GPRC6A: variants seen among roughly 807,000 people sequenced by gnomAD.
The protein encoded by GPRC6A is G protein-coupled receptor class C group 6 member A, also known as G protein-coupled receptor family C group 6 member A.
A neutral mutation model predicts 47.0 loss-of-function variants in GPRC6A; 54 were observed. That is an observed-to-expected ratio of 1.15 (90% confidence interval 0.92 to 1.44). The LOEUF is 1.44. Ranked by LOEUF, GPRC6A falls within the 40% of genes most tolerant of loss-of-function variation. The pLI, the probability that GPRC6A is intolerant of heterozygous loss-of-function variation, is 0.00. For missense variants in GPRC6A, 1,112 were observed against 1,105.5 expected (o/e 1.01, Z -0.08); for synonymous variants, 347 against 377.1 (o/e 0.92, Z 0.93).
intron 1 of GPRC6A, among the ~76,000 whole-genome samples, chr6:116,821,384 A>C (rs1275018862): frequency 4.6e-5 from 7 of 152,126 alleles, no homozygotes; most frequent in Admixed American, 3.9e-4. Flanking sequence ...GGAACCAAAA[A>C]AGAGCCCGCA....
Position 116,792,283 on chromosome 6 carries a change from C to T in GPRC6A, c.2640G>A (p.Met880Ile), listed in dbSNP as rs1351221705. 1.2e-6 allele frequency: 2 copies of T among 1,613,992 alleles called. No homozygotes were observed. Among genetic ancestry groups the T allele is most frequent in the Non-Finnish European group, 1.7e-6 (2 of 1,179,946 alleles). ...SLDSMSGNVT[M>I]TNPSSSGKSA... ...ACTTGCCACTAGAGCTGGGATTGGT[C>T]ATTGTGACATTGCCGCTCATGGAGT... The change falls in exon 6 of 6, where the codon ATG becomes ATA. Residue 880 changes from methionine (M) to isoleucine (I), a missense_variant. Met to Ile is a conservative substitution (Grantham distance 10, BLOSUM62 1). Coordinates refer to ENST00000310357, the MANE Select transcript of GPRC6A (RefSeq NM_148963.4).
At chr6:116,827,993 A>G (rs529008716) in intron 1 of GPRC6A, among the ~76,000 whole-genome samples, 1 of 152,258 alleles carries the variant, frequency 6.6e-6, no homozygotes, top group Non-Finnish European at 1.5e-5. Flanking sequence ...AGTTGGAAGG[A>G]AGCATGAAGA....
chr6:116,796,395 T>C lies in GPRC6A; in HGVS notation c.1549-560A>G, dbSNP rs367909311. On this transcript the variant is annotated intron_variant, in intron 4 of 5. Coordinates refer to ENST00000310357, the MANE Select transcript of GPRC6A (RefSeq NM_148963.4). ...GCCTAAATATATACTATTTAAATAA[T>C]CTTGAGAATTCAAGTTATAATTTGC... Among the ~76,000 whole-genome samples the C allele has an allele frequency of 2.0e-5, 3 of 152,180 alleles. No individual in the cohort carries two copies. The East Asian group carries it at 5.8e-4, about 29-fold the overall frequency.
chr6:116,792,776 AC>A lies in GPRC6A; in HGVS notation c.2146del (p.Val716LeufsTer8), dbSNP rs549269146. On this transcript the variant is annotated frameshift_variant, in exon 6 of 6. Coordinates refer to ENST00000310357, the MANE Select transcript of GPRC6A (RefSeq NM_148963.4). LOFTEE classifies it low-confidence loss of function (END_TRUNC). ...GATTAGCCAGAGTGTGCAAATGACA[AC>A]CTGGATGCCCGTGCAAGTGAAGATA... ...LIIFTCTGIQ[V>X]VICTLWLIFA... 108 of 1,613,844 alleles carry A rather than the reference AC, an allele frequency of 6.7e-5. No individual in the cohort carries two copies. The highest frequency in any genetic ancestry group is 8.5e-5 in the Non-Finnish European group (100 of 1,179,952).
chr6:116,823,743 G>A (rs934966726), intron 1 of GPRC6A, among the ~76,000 whole-genome samples: 2 of 152,092 alleles, frequency 1.3e-5, no homozygotes, highest in South Asian at 4.1e-4. Context: ...TCTCTTGGCT[G>A]TACAGGAAGC....
At chr6:116,823,598 A>G (rs1773579731) in intron 1 of GPRC6A, among the ~76,000 whole-genome samples, 1 of 152,074 alleles carries the variant, frequency 6.6e-6, no homozygotes. Context: ...AGCTGCTTCC[A>G]CATTTTCAGA....
At position 116,792,234 on chromosome 6, in the gene GPRC6A, C is replaced by T. The variant is rs757967044; in HGVS notation, c.2689G>A (p.Asp897Asn). 5 of 1,614,000 alleles carry T rather than the reference C, an allele frequency of 3.1e-6. No homozygotes were observed. The highest frequency in any genetic ancestry group is 3.4e-6 in the Non-Finnish European group (4 of 1,179,952). ...GKSATWQKSKDLQAQAFAHIC... is the reference protein window; with the variant it reads ...GKSATWQKSKNLQAQAFAHIC... The stretch of plus-strand genomic sequence containing the variant: ...TGTGCAAATGCTTGTGCCTGAAGAT[C>T]TTTGCTTTTCTGCCAGGTTGCAGAC... Residue 897 changes from aspartate (D) to asparagine (N), a missense_variant, in exon 6 of 6, where the codon GAT (aspartate) becomes AAT (asparagine). Asp to Asn is a conservative substitution (Grantham distance 23). Transcript: ENST00000310357.
rs139462932 is a variant in GPRC6A at position 116,806,925 on chromosome 6, C to T, written c.780G>A (p.Arg260=). 6.2e-7 allele frequency: 1 copy of T among 1,613,632 alleles called. No individual in the cohort carries two copies. The highest frequency in any genetic ancestry group is 2.2e-5 in the East Asian group (1 of 44,864). The change falls in exon 3 of 6, where the codon CGG becomes CGA. Residue 260 remains arginine, a synonymous_variant. Transcript: ENST00000310357. The part of the protein sequence containing the change: ...SDNTIEVRIN[R]TLKKIILEAQ... Reference sequence around the variant, plus strand: ...CTTCTAAAATGATTTTCTTCAGTGTCCGATTGATTCTGACTTCAATGGTAT... The same window carrying T: ...CTTCTAAAATGATTTTCTTCAGTGTTCGATTGATTCTGACTTCAATGGTAT...
intron 1 of GPRC6A, among the ~76,000 whole-genome samples, chr6:116,819,991 A>T (rs953836402): frequency 2.7e-5 from 4 of 150,652 alleles, no homozygotes; most frequent in African/African-American, 7.4e-5. Flanking sequence ...AAGAGAGAAG[A>T]ATCAAATAGA....
chr6:116,800,795 A>T lies in GPRC6A; in HGVS notation c.1337T>A (p.Leu446Ter). Reference protein sequence around the residue: ...QNPNAFQPWELLGVLKNVTFT... With the variant: ...QNPNAFQPWE ...TGTCACATTTTTTAGCACACCAAGT[A>T]ACTATAAAAAATAAAAACAGAGATA... The change falls in exon 4 of 6, where the codon TTA (leucine) becomes TAA (stop). Residue 446 changes from leucine (L) to a stop codon, truncating the protein, a stop_gained and splice_region_variant. Transcript: ENST00000310357. LOFTEE classifies it high-confidence loss of function. The T allele has an allele frequency of 1.3e-6, 2 of 1,587,724 alleles. No homozygotes were observed. Among genetic ancestry groups the T allele is most frequent in the Non-Finnish European group, 1.7e-6 (2 of 1,159,186 alleles).
In GPRC6A at chr6:116,792,154, C is replaced by T. The variant is rs746497391; in HGVS notation, c.2769G>A (p.Met923Ile). 1.7e-5 allele frequency: 28 copies of T among 1,612,216 alleles called. No individual in the cohort carries two copies. The highest frequency in any genetic ancestry group is 2.2e-5 in the Non-Finnish European group (26 of 1,178,936). The change falls in exon 6 of 6, where the codon ATG (methionine) becomes ATA (isoleucine). Residue 923 changes from methionine to isoleucine, a missense_variant. Coordinates refer to ENST00000310357, the MANE Select transcript of GPRC6A (RefSeq NM_148963.4). ...TCCTAAGGCTTATTCATATACTTGA[C>T]ATTCTTTTTCGAGGCAAAGTTTTAG... ...SVSKTLPRKR[M>I]SSI is the part of the protein sequence containing the mutation.
intron 1 of GPRC6A, among the ~76,000 whole-genome samples, chr6:116,827,501 G>C (rs1286792783): frequency 6.6e-6 from 1 of 152,014 alleles, no homozygotes; most frequent in Non-Finnish European, 1.5e-5. Context: ...ATAGGGTACA[G>C]GTAAGGTAGG....
At chr6:116,807,892 G>T (rs1464791402) in intron 2 of GPRC6A, among the ~76,000 whole-genome samples, 1 of 152,050 alleles carries the variant, frequency 6.6e-6, no homozygotes, top group African/African-American at 2.4e-5. Context: ...TGTACACAAA[G>T]TTTTGCCTGA....
chr6:116,826,110 A>G (rs1562117313), intron 1 of GPRC6A, among the ~76,000 whole-genome samples: 1 of 151,938 alleles, frequency 6.6e-6, no homozygotes, highest in Non-Finnish European at 1.5e-5. Flanking sequence ...CATAGGGAAA[A>G]CACTTAAGGA....
chr6:116,810,184 A>T (rs1772980830), intron 1 of GPRC6A, among the ~76,000 whole-genome samples: 1 of 152,140 alleles, frequency 6.6e-6, no homozygotes, highest in African/African-American at 2.4e-5. Context: ...GAGTTGTCTG[A>T]TTACAGATTT....
intron 4 of GPRC6A, among the ~76,000 whole-genome samples, chr6:116,799,671 T>C (rs892846253): frequency 7.2e-5 from 11 of 152,040 alleles, no homozygotes; most frequent in African/African-American, 4.8e-5. Context: ...TAAAGAGAAA[T>C]AGAGTATACA....
intron 4 of GPRC6A, among the ~76,000 whole-genome samples, chr6:116,800,283 T>TCCC (rs59860604): frequency 4.6e-5 from 5 of 108,544 alleles, no homozygotes; most frequent in African/African-American, 1.1e-4. Context: ...CCTCCCTCCC[T>TCCC]TCCTTCCTCT....
At chr6:116,805,768 C>T (rs1383467972) in intron 3 of GPRC6A, among the ~76,000 whole-genome samples, 2 of 151,976 alleles carry the variant, frequency 1.3e-5, no homozygotes, top group Non-Finnish European at 2.9e-5. Context: ...AACAACATTC[C>T]TTTGAAGAAA....
chr6:116,792,974 A>T lies in GPRC6A; in HGVS notation c.1949T>A (p.Phe650Tyr), dbSNP rs1183503995. Reference protein sequence around the residue: ...HFLNFASTSFFIGEPQDFTCK... With the variant: ...HFLNFASTSFYIGEPQDFTCK... ...TGTGAAGTCTTGTGGTTCTCCAATG[A>T]AAAAGCTCGTGCTGGCAAAATTGAG... Residue 650 changes from phenylalanine (F) to tyrosine (Y), a missense_variant, in exon 6 of 6, where the codon TTC (phenylalanine) becomes TAC (tyrosine). Phe to Tyr is a conservative substitution (Grantham distance 22, BLOSUM62 3). Transcript: ENST00000310357. 1 of 1,614,092 alleles carries T rather than the reference A, an allele frequency of 6.2e-7. No individual in the cohort carries two copies. Among genetic ancestry groups the T allele is most frequent in the South Asian group, 1.1e-5 (1 of 91,078 alleles).
Sources: gnomAD v4.1 joint callset for allele counts (sites outside exome capture counted in the v4.1 genomes callset) on GRCh38, gnomAD v4.1.1 for gene constraint, MANE v1.5 for transcripts, NCBI Gene and HGNC (gene_info 2026-07-23, HGNC 2026-07-21) for gene names.